Variants in ANKHD1 observed in about 807,000 individuals in gnomAD.
The protein encoded by ANKHD1 is ankyrin repeat and KH domain-containing protein 1.
Under a neutral mutation model 230.5 loss-of-function variants are expected in ANKHD1, and 31 were observed. That is an observed-to-expected ratio of 0.13 (90% CI 0.10 to 0.18). The LOEUF is 0.18. Among genes scored for constraint, ANKHD1 ranks in the 10% least tolerant of loss-of-function variants. ANKHD1 has a pLI of 1.00. For synonymous variants in ANKHD1, 1,074 were observed against 1,117.6 expected (o/e 0.96, Z 0.78); for missense variants, 2,256 against 3,071.3 (o/e 0.73, Z 6.27).
At chr5:140,406,250 A>AT (rs1770433185) in intron 1 of ANKHD1, among the ~76,000 whole-genome samples, 1 of 151,744 alleles carries the variant, frequency 6.6e-6, no homozygotes, top group African/African-American at 2.4e-5. Flanking sequence ...AAAAAAAAAA[A>AT]AATAAATTAT....
At chr5:140,515,088 G>A (rs1410969754) in intron 24 of ANKHD1, among the ~76,000 whole-genome samples, 1 of 152,040 alleles carries the variant, frequency 6.6e-6, no homozygotes, top group Non-Finnish European at 1.5e-5. Context: ...GACCAGCCTG[G>A]CCGACATGGA....
At chr5:140,534,475 G>C (rs996848270) in intron 29 of ANKHD1, among the ~76,000 whole-genome samples, 1 of 152,052 alleles carries the variant, frequency 6.6e-6, no homozygotes, top group East Asian at 1.9e-4. Flanking sequence ...TTTTAAGGGA[G>C]ACAAAAATGT....
chr5:140,522,235 G>C (rs1753383515), intron 24 of ANKHD1, among the ~76,000 whole-genome samples: 1 of 152,132 alleles, frequency 6.6e-6, no homozygotes, highest in Admixed American at 6.5e-5. Flanking sequence ...TTTGTGACTG[G>C]CTTTTTCACT....
chr5:140,425,822 C>G (rs1259549416), intron 1 of ANKHD1, among the ~76,000 whole-genome samples: 1 of 152,106 alleles, frequency 6.6e-6, no homozygotes, highest in Non-Finnish European at 1.5e-5. Flanking sequence ...ATGGTGGTTG[C>G]TACTGCTAGA....
chr5:140,479,298 G>A (rs980500517), intron 10 of ANKHD1, among the ~76,000 whole-genome samples: 1 of 151,892 alleles, frequency 6.6e-6, no homozygotes, highest in Admixed American at 6.6e-5. Context: ...ATGCCCAGCC[G>A]AAATGGATGC....
chr5:140,485,358 A>T lies in ANKHD1; in HGVS notation c.1998+110A>T. The stretch of plus-strand genomic sequence containing the variant: ...GATCACTTGAGCCCAGGAGTTTGAG[A>T]CTAGTCTAGGCAACATAAGGAGACC... On this transcript the variant is annotated intron_variant, in intron 12 of 33. Coordinates refer to ENST00000360839, the MANE Select transcript of ANKHD1 (RefSeq NM_017747.3). This position sits in a 1 kb window ranked among gnomAD's most constrained non-coding sequence, Gnocchi z 4.8. 6.9e-7 allele frequency: 1 copy of T among 1,443,788 alleles called. No homozygotes were observed. Among genetic ancestry groups the T allele is most frequent in the Non-Finnish European group, 9.1e-7 (1 of 1,097,534 alleles). 89.4% of individuals were successfully genotyped at this position (1,443,788 alleles called of 1,614,324 possible). A position where few individuals can be genotyped will look rare whatever the true frequency, so the allele number is the denominator to read the frequency against.
At position 140,529,379 on chromosome 5, in the gene ANKHD1, T is replaced by C. The variant is rs2127089359; in HGVS notation, c.6433T>C (p.Ser2145Pro). ...HRMQPRGSFYSMVPNATIHQD... is the reference protein window; with the variant it reads ...HRMQPRGSFYPMVPNATIHQD... ...AATGCAGCCCAGAGGTTCTTTTTAC[T>C]CCATGGTACCAAATGCAACTATTCA... The change falls in exon 29 of 34, where the codon TCC becomes CCC. Residue 2145 changes from serine (S) to proline (P), a missense_variant. Ser to Pro is a moderately conservative substitution (Grantham distance 74). This residue lies in a region of ANKHD1 where 778 missense variants were observed against 966.5 expected (regional missense o/e 0.80). Coordinates refer to ENST00000360839, the MANE Select transcript of ANKHD1 (RefSeq NM_017747.3). The C allele has an allele frequency of 6.2e-7, 1 of 1,614,206 alleles. No homozygotes were observed. The highest frequency in any genetic ancestry group is 1.1e-5 in the South Asian group (1 of 91,086).
intron 6 of ANKHD1, 93 bp downstream of exon 6, chr5:140,446,068 T>C: frequency 1.6e-6 from 2 of 1,212,774 alleles, no homozygotes; most frequent in Non-Finnish European, 2.2e-6. Flanking sequence ...ATATTGCTTA[T>C]GTTTTCCCTG....
intron 1 of ANKHD1, among the ~76,000 whole-genome samples, chr5:140,422,161 C>T (rs148831975): frequency 0.042 from 6,447 of 152,180 alleles, 168 homozygotes; most frequent in African/African-American, 0.059. Context: ...TCACTCTTGT[C>T]GCCCAGGCTG....
chr5:140,469,751 T>C (rs1232409720), intron 10 of ANKHD1, among the ~76,000 whole-genome samples: 2 of 151,972 alleles, frequency 1.3e-5, no homozygotes, highest in African/African-American at 4.8e-5. Context: ...ATTTTAATAT[T>C]CTCCTGGTTA....
At chr5:140,530,432 C>G (rs1373075120) in intron 29 of ANKHD1, among the ~76,000 whole-genome samples, 2 of 152,206 alleles carry the variant, frequency 1.3e-5, no homozygotes, top group African/African-American at 2.4e-5. Flanking sequence ...AGGCTGGTCT[C>G]GAACTCCTGT....
chr5:140,457,898 A>G (rs542825867), intron 7 of ANKHD1, among the ~76,000 whole-genome samples: 1 of 152,274 alleles, frequency 6.6e-6, no homozygotes, highest in South Asian at 2.1e-4. Flanking sequence ...ATTTGAAATT[A>G]AAGAAGGATA....
At chr5:140,531,206 C>G in intron 29 of ANKHD1, 1 of 314,876 alleles carries the variant, frequency 3.2e-6, no homozygotes, top group Non-Finnish European at 6.3e-6. Context: ...ATCTTGGCCC[C>G]ATTTCTTAAC....
intron 33 of ANKHD1, 71 bp from the exon 34 acceptor site, chr5:140,539,288 T>G: frequency 6.2e-7 from 1 of 1,605,216 alleles, no homozygotes. Flanking sequence ...TGCCATTGCA[T>G]TTATATATTC....
rs761886547 is a variant in ANKHD1, at chr5:140,509,642, T to G, written c.3771T>G (p.Gly1257=). 3 of 1,574,136 alleles carry G rather than the reference T, an allele frequency of 1.9e-6. No individual in the cohort carries two copies. Residue 1257 remains glycine (G), a synonymous_variant, in exon 21 of 34, where the codon GGT becomes GGG. Coordinates refer to ENST00000360839, the MANE Select transcript of ANKHD1 (RefSeq NM_017747.3). ...KANVEHRAKT[G]LTPLMEAASG... is the part of the protein sequence containing the mutation. ...TAATTTATTGGTTTAAACAGACGGG[T>G]CTTACCCCCTTGATGGAAGCAGCTT...
intron 9 of ANKHD1, among the ~76,000 whole-genome samples, chr5:140,461,135 TATTA>T (rs1366985941): frequency 2.2e-4 from 34 of 152,230 alleles, no homozygotes; most frequent in Admixed American, 2.2e-3. Flanking sequence ...GTGTTATCTC[TATTA>T]ATTGCCACTG....
At chr5:140,504,790 G>A (rs1174288519) in intron 15 of ANKHD1, 31 bp from the exon 16 acceptor site, 4 of 1,598,448 alleles carry the variant, frequency 2.5e-6, no homozygotes, top group Non-Finnish European at 3.4e-6. Flanking sequence ...TCTTTTAAGT[G>A]GAATTTAGCA....
Position 140,505,132 on chromosome 5 carries a change from A to G in ANKHD1, c.3161A>G (p.Asn1054Ser), listed in dbSNP as rs775485141. ...SVDIDAHTES[N>S]HDTALTLACA... ...TTTTTCTTCTCCTAGACTGAGAGCA[A>G]TCATGACACAGCATTAACACTAGCT... Residue 1054 changes from asparagine to serine, a missense_variant, in exon 17 of 34, where the codon AAT becomes AGT. By Grantham distance (46) the Asn-to-Ser change is conservative (BLOSUM62 1). Coordinates refer to ENST00000360839, the MANE Select transcript of ANKHD1 (RefSeq NM_017747.3). The G allele has an allele frequency of 3.7e-6, 6 of 1,613,998 alleles. No homozygotes were observed. The highest frequency in any genetic ancestry group is 2.2e-5 in the East Asian group (1 of 44,876).
At chr5:140,403,777 C>CA in intron 1 of ANKHD1, among the ~76,000 whole-genome samples, 1 of 152,076 alleles carries the variant, frequency 6.6e-6, no homozygotes, top group Non-Finnish European at 1.5e-5. Flanking sequence ...CCTGAGTTGT[C>CA]ACCTGTGACC....
Sources: allele counts gnomAD v4.1 joint callset (sites outside exome capture counted in the v4.1 genomes callset), GRCh38; gene constraint gnomAD v4.1.1; regional missense constraint gnomAD v4.1.1; non-coding constraint Gnocchi (gnomAD v3.1); transcripts MANE v1.5; gene names NCBI Gene and HGNC (gene_info 2026-07-23, HGNC 2026-07-21).